The following MGAT4C variants were observed in gnomAD, a reference collection of about 807,000 sequenced individuals.
MGAT4C encodes the protein MGAT4 family member C.
In MGAT4C, 19 loss-of-function variants were observed where a neutral mutation model predicts 40.1. The observed-to-expected ratio is 0.47, with a 90% CI of 0.33 to 0.70. The LOEUF is 0.70. MGAT4C is among the 30% of genes least tolerant of loss of function. The pLI is 0.02. For missense variants in MGAT4C, 491 were observed against 563.2 expected (o/e 0.87, Z 1.30); for synonymous variants, 181 against 187.1 (o/e 0.97, Z 0.27).
intron 3 of MGAT4C, among the ~76,000 whole-genome samples, chr12:85,986,579 T>C (rs1286643018): frequency 6.6e-6 from 1 of 152,194 alleles, no homozygotes; most frequent in African/African-American, 2.4e-5. Flanking sequence ...AAGACGAGAA[T>C]AGAATCTGTT....
At chr12:86,383,779 A>C (rs1274976278) in intron 3 of MGAT4C, among the ~76,000 whole-genome samples, 4 of 152,072 alleles carry the variant, frequency 2.6e-5, no homozygotes, top group Non-Finnish European at 5.9e-5. Context: ...GAAACTTTGG[A>C]ATGTAGACTT....
intron 3 of MGAT4C, among the ~76,000 whole-genome samples, chr12:86,338,472 G>A (rs1485936912): frequency 6.6e-6 from 1 of 152,182 alleles, no homozygotes; most frequent in African/African-American, 2.4e-5. Flanking sequence ...GTCCTACAAA[G>A]GCAGTTGAGT....
chr12:86,823,231 C>T (rs1593240444), intron 1 of MGAT4C, among the ~76,000 whole-genome samples: 1 of 143,394 alleles, frequency 7.0e-6, no homozygotes, highest in African/African-American at 2.6e-5. Context: ...CAAAAAAGAA[C>T]AAACAAAGCC....
chr12:86,191,114 CACACACACACACACACACA>C (rs1889376269), intron 1 of MGAT4C, among the ~76,000 whole-genome samples: 2 of 148,466 alleles, frequency 1.3e-5, no homozygotes, highest in African/African-American at 5.1e-5. Flanking sequence ...CACACACACA[CACACACACACACACACACA>C]CCCCTATAGG....
intron 2 of MGAT4C, among the ~76,000 whole-genome samples, chr12:86,443,453 G>A (rs1188740885): frequency 6.6e-6 from 1 of 152,092 alleles, no homozygotes; most frequent in East Asian, 1.9e-4. Context: ...AATAACAAAT[G>A]AACACTCACT....
chr12:86,244,305 G>T (rs1951923170), intron 1 of MGAT4C, among the ~76,000 whole-genome samples: 1 of 152,148 alleles, frequency 6.6e-6, no homozygotes, highest in Admixed American at 6.5e-5. Flanking sequence ...CTCTCAGGAT[G>T]TAAGTTGTTT....
At chr12:86,355,076 A>T (rs1412355911) in intron 3 of MGAT4C, among the ~76,000 whole-genome samples, 2 of 152,204 alleles carry the variant, frequency 1.3e-5, no homozygotes. Context: ...AGCTAGCTAC[A>T]GAGTGCTGAT....
At chr12:86,237,589 A>G (rs1188745821) in intron 1 of MGAT4C, among the ~76,000 whole-genome samples, 1 of 151,916 alleles carries the variant, frequency 6.6e-6, no homozygotes, top group African/African-American at 2.4e-5. Flanking sequence ...CTATAGGTTC[A>G]ATTTCTTTCC....
At chr12:86,748,559 C>T (rs926811300) in intron 1 of MGAT4C, among the ~76,000 whole-genome samples, 6 of 151,538 alleles carry the variant, frequency 4.0e-5, no homozygotes, top group African/African-American at 9.7e-5. Flanking sequence ...GGGGGAGCCC[C>T]AAGAACAGAA....
chr12:86,774,295 C>CTTTCTT lies in MGAT4C; in HGVS notation c.-261-47060_-261-47055dup, dbSNP rs1227480527. 3.2e-3 allele frequency among the ~76,000 whole-genome samples: 102 copies of CTTTCTT among 31,652 alleles called. 1 individual carries two copies. Among genetic ancestry groups the CTTTCTT allele is most frequent in the African/African-American group, 5.9e-3 (72 of 12,256 alleles). The allele number at this position is 31,652 out of a possible 152,430, so 20.8% of individuals were successfully genotyped here. On this transcript the variant is annotated intron_variant, in intron 1 of 7. Coordinates refer to the MGAT4C transcript ENST00000548651. ...TCTAAGGCTTGCTCTTTCTTTCTTT[C>CTTTCTT]TTTCTTTCTTTCTTTCTTTCTTTCT...
chr12:86,028,174 T>A, intron 2 of MGAT4C: 1 of 1,288,246 alleles, frequency 7.8e-7, no homozygotes, highest in Non-Finnish European at 1.0e-6. Context: ...GACCATGTCC[T>A]TCCCAAGCAT....
chr12:86,205,035 C>T (rs1024138778), intron 1 of MGAT4C, among the ~76,000 whole-genome samples: 2 of 151,828 alleles, frequency 1.3e-5, no homozygotes, highest in Non-Finnish European at 2.9e-5. Context: ...GATCCTTGTA[C>T]ATATTATCAG....
chr12:86,464,492 C>T (rs979189829), intron 2 of MGAT4C, among the ~76,000 whole-genome samples: 1 of 152,104 alleles, frequency 6.6e-6, no homozygotes, highest in Non-Finnish European at 1.5e-5. Context: ...TTATAACCAT[C>T]TATATTCTCC....
At chr12:86,438,018 G>A (rs1957166477) in intron 2 of MGAT4C, among the ~76,000 whole-genome samples, 1 of 151,920 alleles carries the variant, frequency 6.6e-6, no homozygotes, top group Non-Finnish European at 1.5e-5. Flanking sequence ...TTCACTTGAA[G>A]TCAAATGGTA....
intron 1 of MGAT4C, among the ~76,000 whole-genome samples, chr12:86,731,287 G>A (rs1230459576): frequency 6.6e-6 from 1 of 152,046 alleles, no homozygotes; most frequent in African/African-American, 2.4e-5. Context: ...ATTATCAACT[G>A]AAGATTCTAT....
At chr12:86,145,568 G>A (rs971880971) in intron 1 of MGAT4C, among the ~76,000 whole-genome samples, 5 of 152,106 alleles carry the variant, frequency 3.3e-5, no homozygotes, top group Admixed American at 1.3e-4. Context: ...CAGGTGTTCC[G>A]AAGGTGCCTT....
At chr12:86,427,379 A>G (rs1210255949) in intron 3 of MGAT4C, among the ~76,000 whole-genome samples, 1 of 151,984 alleles carries the variant, frequency 6.6e-6, no homozygotes, top group African/African-American at 2.4e-5. Context: ...TACATATTAT[A>G]ATTATAGTAT....
At chr12:86,782,220 C>T (rs1394563585) in intron 1 of MGAT4C, among the ~76,000 whole-genome samples, 63 of 89,968 alleles carry the variant, frequency 7.0e-4, no homozygotes, top group South Asian at 2.2e-3. Flanking sequence ...CTCGCTCTGT[C>T]GCCCAGGCTG....
At chr12:86,245,044 A>G (rs548109993) in intron 1 of MGAT4C, among the ~76,000 whole-genome samples, 2 of 152,312 alleles carry the variant, frequency 1.3e-5, no homozygotes, top group South Asian at 4.1e-4. Flanking sequence ...ACACTGGTTA[A>G]GTGGGAAGCC....
Sources: gnomAD v4.1 joint callset for allele counts (sites outside exome capture counted in the v4.1 genomes callset) on GRCh38, gnomAD v4.1.1 for gene constraint, MANE v1.5 for transcripts, NCBI Gene and HGNC (gene_info 2026-07-23, HGNC 2026-07-21) for gene names.